Variants in AGBL4 observed in about 807,000 individuals in gnomAD.
The protein encoded by AGBL4 is AGBL carboxypeptidase 4.
AGBL4 carries 58 observed loss-of-function variants against 66.4 expected under a neutral mutation model. That is an observed-to-expected ratio of 0.87 (90% CI 0.71 to 1.09). AGBL4 has a LOEUF of 1.09. Ranked by LOEUF, AGBL4 falls within the 50% of genes least tolerant of loss-of-function variation. The pLI, the probability that AGBL4 is intolerant of heterozygous loss-of-function variation, is 0.00. For missense variants in AGBL4, 579 were observed against 631.0 expected, an observed-to-expected ratio of 0.92 and a Z score of 0.88; for synonymous variants, 234 against 222.9, an observed-to-expected ratio of 1.05 and a Z score of -0.44.
chr1:48,876,178 A>G (rs1649202202), intron 5 of AGBL4, among the ~76,000 whole-genome samples: 1 of 152,204 alleles, frequency 6.6e-6, no homozygotes, highest in Non-Finnish European at 1.5e-5. Flanking sequence ...GCTCCATGGC[A>G]AAAGGACAGT....
At chr1:50,015,608 A>T (rs1661919002) in intron 1 of AGBL4, among the ~76,000 whole-genome samples, 1 of 152,184 alleles carries the variant, frequency 6.6e-6, no homozygotes, top group African/African-American at 2.4e-5. Flanking sequence ...GTGAGCCATG[A>T]TCATTCTACA....
At chr1:49,585,368 C>T (rs1042151351) in intron 3 of AGBL4, among the ~76,000 whole-genome samples, 1 of 152,082 alleles carries the variant, frequency 6.6e-6, no homozygotes, top group Non-Finnish European at 1.5e-5. Context: ...ATGAAATAAA[C>T]AGCTATATTG....
intron 4 of AGBL4, among the ~76,000 whole-genome samples, chr1:49,082,406 G>A (rs201681079): frequency 1.3e-4 from 20 of 152,314 alleles, no homozygotes; most frequent in East Asian, 9.7e-4. Flanking sequence ...TGGACTCACC[G>A]TTCCACATGG....
chr1:49,263,359 CAAAAA>C (rs1180443101), intron 3 of AGBL4, among the ~76,000 whole-genome samples: 1 of 150,398 alleles, frequency 6.6e-6, no homozygotes, highest in African/African-American at 2.4e-5. Flanking sequence ...TTCTGAAAAA[CAAAAA>C]AAGATAAAAA....
At chr1:48,817,830 T>C (rs1347335445) in intron 6 of AGBL4, 1 of 576,554 alleles carries the variant, frequency 1.7e-6, no homozygotes, top group Non-Finnish European at 3.1e-6. Flanking sequence ...CACCTAGGAC[T>C]AACCTCAGCT....
chr1:49,374,024 C>T (rs1644421760), intron 3 of AGBL4, among the ~76,000 whole-genome samples: 1 of 152,046 alleles, frequency 6.6e-6, no homozygotes, highest in Non-Finnish European at 1.5e-5. Flanking sequence ...CATAAAATAA[C>T]ATCAACAACT....
At chr1:49,980,195 T>C (rs1439742393) in intron 1 of AGBL4, among the ~76,000 whole-genome samples, 1 of 152,074 alleles carries the variant, frequency 6.6e-6, no homozygotes, top group Non-Finnish European at 1.5e-5. Flanking sequence ...TGTCAGCGCC[T>C]CTAACCCATT....
At chr1:49,438,451 T>A (rs1645952970) in intron 3 of AGBL4, among the ~76,000 whole-genome samples, 1 of 152,184 alleles carries the variant, frequency 6.6e-6, no homozygotes. Context: ...AGCCCTTGTA[T>A]CTTCTTTATG....
rs116091907 is a variant in AGBL4, at chr1:49,723,469, T to C, written c.158-26032A>G. Among the ~76,000 whole-genome samples the C allele has an allele frequency of 3.9e-3, 588 of 152,192 alleles. 5 individuals carry two copies. Among genetic ancestry groups the C allele is most frequent in the African/African-American group, 0.013 (559 of 41,538 alleles). ...GCCTCTACAATTTGACCTCTAGATATCTGTACAACTTTATCTACCACTTGA... is the reference window on the plus strand; with the variant it reads ...GCCTCTACAATTTGACCTCTAGATACCTGTACAACTTTATCTACCACTTGA... On this transcript the variant is annotated intron_variant, in intron 2 of 13. Coordinates refer to ENST00000371839, the MANE Select transcript of AGBL4 (RefSeq NM_032785.4).
chr1:48,891,431 C>A (rs1047241342), intron 5 of AGBL4, among the ~76,000 whole-genome samples: 7 of 152,126 alleles, frequency 4.6e-5, no homozygotes, highest in African/African-American at 1.7e-4. Flanking sequence ...TATTTTGGAC[C>A]AGGCACTAGA....
chr1:48,566,020 T>C (rs1427183799), intron 11 of AGBL4, among the ~76,000 whole-genome samples: 2 of 152,200 alleles, frequency 1.3e-5, no homozygotes, highest in Non-Finnish European at 2.9e-5. Context: ...CTTCTGCATA[T>C]ACCATCCACT....
intron 4 of AGBL4, among the ~76,000 whole-genome samples, chr1:49,207,484 C>A (rs200811325): frequency 7.7e-6 from 1 of 130,260 alleles, no homozygotes; most frequent in South Asian, 2.5e-4. Flanking sequence ...CTTTCTTTTT[C>A]TTTCTTTCTT....
intron 2 of AGBL4, among the ~76,000 whole-genome samples, chr1:49,774,753 T>C (rs531735516): frequency 2.2e-4 from 33 of 152,194 alleles, no homozygotes; most frequent in Admixed American, 2.2e-3. Flanking sequence ...AAATCCAGTA[T>C]AAAGGTATGA....
At chr1:49,063,040 G>C (rs1644430646) in intron 4 of AGBL4, among the ~76,000 whole-genome samples, 1 of 152,120 alleles carries the variant, frequency 6.6e-6, no homozygotes, top group Admixed American at 6.5e-5. Context: ...TCAGTAAAGA[G>C]CTTTTGGTAA....
chr1:48,782,746 A>G (rs1323769013), intron 6 of AGBL4, among the ~76,000 whole-genome samples: 1 of 152,190 alleles, frequency 6.6e-6, no homozygotes, highest in Non-Finnish European at 1.5e-5. Context: ...ATCTGTTGCA[A>G]CTGATGAACC....
At chr1:48,634,926 T>C (rs1645645686) in intron 8 of AGBL4, among the ~76,000 whole-genome samples, 1 of 152,230 alleles carries the variant, frequency 6.6e-6, no homozygotes, top group Non-Finnish European at 1.5e-5. Context: ...TTCTCCACAC[T>C]GCAGCTGAGA....
chr1:48,808,288 T>G (rs1454599362), intron 6 of AGBL4, among the ~76,000 whole-genome samples: 1 of 152,242 alleles, frequency 6.6e-6, no homozygotes, highest in Non-Finnish European at 1.5e-5. Flanking sequence ...TTTACTGTGT[T>G]AGGCATTATT....
intron 6 of AGBL4, among the ~76,000 whole-genome samples, chr1:48,793,896 G>A (rs1350848885): frequency 6.6e-6 from 1 of 152,264 alleles, no homozygotes. Context: ...CAGGCACATC[G>A]ACCCTGGTGG....
chr1:48,762,263 A>G (rs1241678523), intron 6 of AGBL4, among the ~76,000 whole-genome samples: 2 of 152,196 alleles, frequency 1.3e-5, no homozygotes, highest in African/African-American at 4.8e-5. Flanking sequence ...ATATAAAAGG[A>G]TATTATTTCT....
Sources: gnomAD v4.1 joint callset for allele counts (sites outside exome capture counted in the v4.1 genomes callset) on GRCh38, gnomAD v4.1.1 for gene constraint, MANE v1.5 for transcripts, NCBI Gene and HGNC (gene_info 2026-07-23, HGNC 2026-07-21) for gene names.